The following LPAR1 variants were observed in gnomAD, a reference collection of about 807,000 sequenced individuals.
The protein encoded by LPAR1 is lysophosphatidic acid receptor 1.
Under a neutral mutation model 23.8 loss-of-function variants are expected in LPAR1, and 5 were observed. The observed-to-expected ratio is 0.21, with a 90% CI of 0.11 to 0.44. The LOEUF (loss-of-function observed/expected upper bound fraction) is 0.44, where lower values mean the gene tolerates loss of function less well. Among genes scored for constraint, LPAR1 ranks in the 20% least tolerant of loss-of-function variants. The pLI is 0.99. For synonymous variants in LPAR1, 160 were observed against 164.7 expected, an observed-to-expected ratio of 0.97 and a Z score of 0.22; for missense variants, 311 against 482.8, an observed-to-expected ratio of 0.64 and a Z score of 3.33.
chr9:110,896,470 G>A (rs1391149820), intron 5 of LPAR1, among the ~76,000 whole-genome samples: 1 of 152,126 alleles, frequency 6.6e-6, no homozygotes, highest in Non-Finnish European at 1.5e-5. Context: ...TATTTGCTTA[G>A]TCTGATTGTT....
At chr9:110,880,507 G>C (rs191159918) in intron 5 of LPAR1, among the ~76,000 whole-genome samples, 200 of 152,302 alleles carry the variant, frequency 1.3e-3, no homozygotes, top group African/African-American at 4.6e-3. Flanking sequence ...AACAGTCCTT[G>C]CCAGAGAAGA....
chr9:110,979,035 A>G (rs561026186), intron 2 of LPAR1, among the ~76,000 whole-genome samples: 8 of 152,038 alleles, frequency 5.3e-5, no homozygotes, highest in Non-Finnish European at 8.8e-5. Flanking sequence ...GACAGTGACT[A>G]TAGATAATGA....
chr9:110,923,954 A>G (rs1172851027), intron 5 of LPAR1, among the ~76,000 whole-genome samples: 1 of 152,218 alleles, frequency 6.6e-6, no homozygotes, highest in Non-Finnish European at 1.5e-5. Context: ...GGCCACATAC[A>G]TTCCTATTTT....
At chr9:111,033,177 G>A (rs1263635361) in intron 2 of LPAR1, among the ~76,000 whole-genome samples, 1 of 152,100 alleles carries the variant, frequency 6.6e-6, no homozygotes, top group Non-Finnish European at 1.5e-5. Context: ...GGACTTCAGG[G>A]TTAAAGTTTC....
intron 2 of LPAR1, among the ~76,000 whole-genome samples, chr9:111,003,852 CA>C (rs1214489186): frequency 6.6e-6 from 1 of 152,178 alleles, no homozygotes; most frequent in East Asian, 1.9e-4. Context: ...CTCACAGAAA[CA>C]AAAATATAAT....
intron 5 of LPAR1, among the ~76,000 whole-genome samples, chr9:110,919,963 T>C (rs958070100): frequency 2.0e-5 from 3 of 152,318 alleles, no homozygotes; most frequent in Non-Finnish European, 4.4e-5. Flanking sequence ...CTTCACCTAC[T>C]TGGGCATGAA....
intron 5 of LPAR1, among the ~76,000 whole-genome samples, chr9:110,935,212 G>T (rs1331838812): frequency 6.6e-6 from 1 of 152,098 alleles, no homozygotes; most frequent in Non-Finnish European, 1.5e-5. Context: ...GACTGAACAA[G>T]GCAGGGGCAG....
At chr9:110,985,488 G>A (rs530363174) in intron 2 of LPAR1, among the ~76,000 whole-genome samples, 283 of 152,082 alleles carry the variant, frequency 1.9e-3, no homozygotes, top group African/African-American at 6.4e-3. Flanking sequence ...CCCATCCTGC[G>A]CACACTGACT....
intron 2 of LPAR1, among the ~76,000 whole-genome samples, chr9:111,030,427 T>C (rs2097775603): frequency 2.0e-5 from 3 of 152,212 alleles, no homozygotes; most frequent in African/African-American, 4.8e-5. Flanking sequence ...CCTTATCATC[T>C]GCTGATTACA....
At chr9:110,943,248 C>T (rs1220287359) in intron 4 of LPAR1, among the ~76,000 whole-genome samples, 1 of 151,054 alleles carries the variant, frequency 6.6e-6, no homozygotes, top group Non-Finnish European at 1.5e-5. Context: ...CCTGGGACCC[C>T]TAAAATTAAA....
chr9:110,885,689 A>T (rs2082173043), intron 5 of LPAR1, among the ~76,000 whole-genome samples: 1 of 152,226 alleles, frequency 6.6e-6, no homozygotes. Context: ...AAGATGGGTC[A>T]CTGCCTCTTC....
At chr9:111,032,507 A>G (rs1588960069) in intron 2 of LPAR1, among the ~76,000 whole-genome samples, 1 of 152,320 alleles carries the variant, frequency 6.6e-6, no homozygotes, top group East Asian at 1.9e-4. Context: ...AAAGCCTGGT[A>G]TATAGCAGGC....
chr9:111,020,490 A>AC (rs1488955232), intron 2 of LPAR1, among the ~76,000 whole-genome samples: 1 of 152,190 alleles, frequency 6.6e-6, no homozygotes, highest in Non-Finnish European at 1.5e-5. Context: ...CTCTGAAAAT[A>AC]AATTTCTCCT....
At chr9:110,923,519 C>T (rs1472730069) in intron 5 of LPAR1, among the ~76,000 whole-genome samples, 1 of 152,146 alleles carries the variant, frequency 6.6e-6, no homozygotes, top group Non-Finnish European at 1.5e-5. Flanking sequence ...GTGTTCTGAG[C>T]ATGTTTAAGG....
At chr9:110,901,790 T>C (rs898985130) in intron 5 of LPAR1, among the ~76,000 whole-genome samples, 1 of 152,186 alleles carries the variant, frequency 6.6e-6, no homozygotes. Context: ...ATTTCAGTTT[T>C]GTTTACAGGG....
intron 2 of LPAR1, among the ~76,000 whole-genome samples, chr9:110,992,776 T>C (rs145248610): frequency 6.6e-6 from 1 of 152,050 alleles, no homozygotes; most frequent in South Asian, 2.1e-4. Context: ...CTGTAGAAAA[T>C]GCAAACTAAT....
chr9:111,006,700 G>A (rs1211572671), intron 2 of LPAR1, among the ~76,000 whole-genome samples: 5 of 152,246 alleles, frequency 3.3e-5, no homozygotes, highest in Middle Eastern at 3.4e-3. Flanking sequence ...AAATGTTTAT[G>A]CATTAGAATT....
intron 2 of LPAR1, among the ~76,000 whole-genome samples, chr9:110,989,504 T>C (rs1024850103): frequency 1.3e-5 from 2 of 152,184 alleles, no homozygotes; most frequent in Non-Finnish European, 2.9e-5. Flanking sequence ...TATACTGTAT[T>C]GTTGTGAGGT....
chr9:110,949,453 T>C (rs1036603812), intron 4 of LPAR1, among the ~76,000 whole-genome samples: 1 of 152,234 alleles, frequency 6.6e-6, no homozygotes, highest in African/African-American at 2.4e-5. Flanking sequence ...GTCTTAATAT[T>C]TTAACATGCA....
Sources: allele counts gnomAD v4.1 joint callset (sites outside exome capture counted in the v4.1 genomes callset), GRCh38; gene constraint gnomAD v4.1.1; transcripts MANE v1.5; gene names NCBI Gene and HGNC (gene_info 2026-07-23, HGNC 2026-07-21).